The following RGP1 variants were observed in gnomAD, a reference collection of about 807,000 sequenced individuals.
RGP1 encodes the protein RAB6A-GEF complex partner protein 2.
A neutral mutation model predicts 44.5 loss-of-function variants in RGP1; 28 were observed. That is an observed-to-expected ratio of 0.63 (90% CI 0.47 to 0.86). The LOEUF (loss-of-function observed/expected upper bound fraction) is 0.86. RGP1 is among the 40% of genes least tolerant of loss of function. The probability of loss-of-function intolerance (pLI) is 0.00; values close to 1 mark genes in which losing one functional copy is unlikely to be tolerated. For synonymous variants in RGP1, 212 were observed against 196.7 expected (o/e 1.08, Z -0.65); for missense variants, 417 against 490.7 (o/e 0.85, Z 1.42).
the RGP1 span, among the ~76,000 whole-genome samples, chr9:35,784,488 C>T: frequency 2.6e-5 from 4 of 152,250 alleles, no homozygotes; most frequent in Middle Eastern, 6.8e-3. Flanking sequence ...TTGCTCTTGT[C>T]GCCCAGGCTG....
chr9:35,781,745 T>C, the RGP1 span, among the ~76,000 whole-genome samples: 1 of 151,934 alleles, frequency 6.6e-6, no homozygotes, highest in Admixed American at 6.6e-5. Context: ...TAAATATATA[T>C]ATAAATACAT....
In RGP1 at chr9:35,753,956, C is replaced by T; in HGVS notation, c.*1082C>T. ...CTGTAAGGCCCCATCCTCCCTGTGC[C>T]CTCTCTGCTGCTCCTCCATTCCTAA... On this transcript the variant is annotated 3_prime_UTR_variant, in exon 9 of 9. Transcript: ENST00000378078. This position sits in a 1 kb window ranked among gnomAD's most constrained non-coding sequence, Gnocchi z 4.2. 6.3e-7 allele frequency: 1 copy of T among 1,590,506 alleles called. No homozygotes were observed. The highest frequency in any genetic ancestry group is 8.6e-7 in the Non-Finnish European group (1 of 1,165,268).
At chr9:35,769,251 C>T in the RGP1 span, among the ~76,000 whole-genome samples, 3 of 152,222 alleles carry the variant, frequency 2.0e-5, no homozygotes, top group Non-Finnish European at 4.4e-5. Flanking sequence ...TCTACTGTAC[C>T]TGGCCCTGTC....
rs771484856 is a variant in RGP1, at chr9:35,753,120, G to A, written c.*246G>A. The stretch of plus-strand genomic sequence containing the variant: ...TGAGTTTAGCTGGAGTGGGGAGCAG[G>A]AGCCCCAGGAACAGGGGTGTTGGCT... On this transcript the variant is annotated 3_prime_UTR_variant, in exon 9 of 9. Transcript: ENST00000378078. The surrounding 1 kb of genome is among the most constrained non-coding windows in gnomAD (Gnocchi z 4.2). 5.6e-6 allele frequency: 9 copies of A among 1,614,052 alleles called. No individual in the cohort carries two copies. The highest frequency in any genetic ancestry group is 7.6e-6 in the Non-Finnish European group (9 of 1,179,912).
chr9:35,763,169 T>C (rs995974372), downstream of RGP1, among the ~76,000 whole-genome samples: 16 of 152,290 alleles, frequency 1.1e-4, no homozygotes, highest in Admixed American at 7.2e-4. Context: ...AATTCTGTTC[T>C]ATATTATATA....
At chr9:35,759,917 C>CTTTTTTTTTTTTTTT (rs34848500), downstream of RGP1, among the ~76,000 whole-genome samples, 4 of 132,984 alleles carry the variant, frequency 3.0e-5, no homozygotes, top group Admixed American at 7.5e-5. Context: ...TTCATTTTTC[C>CTTTTTTTTTTTTTTT]TTTTTTTTTT....
chr9:35,772,724 G>A, the RGP1 span, among the ~76,000 whole-genome samples: 6 of 151,324 alleles, frequency 4.0e-5, no homozygotes, highest in Non-Finnish European at 8.8e-5. Context: ...CTGGGAGGCG[G>A]AGCTTGCAGT....
At chr9:35,752,331 C>T (rs889524255) in intron 8 of RGP1, among the ~76,000 whole-genome samples, 186 bp downstream of exon 8, 2 of 152,208 alleles carry the variant, frequency 1.3e-5, no homozygotes, top group Non-Finnish European at 2.9e-5. Flanking sequence ...CCCCTAAACT[C>T]CTAACAGCTT....
Position 35,751,397 on chromosome 9 carries a change from T to C in RGP1, c.619T>C (p.Ser207Pro). ...LAGERLMAAT[S>P]CRSLHLYNIS... ...TGGGGAACGCCTAATGGCTGCCACA[T>C]CCTGCCGCAGCCTCCGTGAGAATTC... is the stretch of plus-strand genomic sequence containing the variant. Residue 207 changes from serine (S) to proline (P), a missense_variant, in exon 6 of 9, where the codon TCC becomes CCC. Physicochemically the swap from Ser to Pro is moderately conservative, Grantham distance 74. Transcript: ENST00000378078. 2 of 1,613,946 alleles carry C rather than the reference T, an allele frequency of 1.2e-6. No homozygotes were observed. The highest frequency in any genetic ancestry group is 1.7e-6 in the Non-Finnish European group (2 of 1,179,868).
the RGP1 span, among the ~76,000 whole-genome samples, chr9:35,777,836 G>T: frequency 6.6e-6 from 1 of 152,112 alleles, no homozygotes; most frequent in Non-Finnish European, 1.5e-5. Context: ...TCTATTAAAA[G>T]AAATCCCATC....
the RGP1 span, among the ~76,000 whole-genome samples, chr9:35,774,717 C>CT: frequency 6.6e-6 from 1 of 151,932 alleles, no homozygotes; most frequent in Non-Finnish European, 1.5e-5. Flanking sequence ...GAGCAAGACT[C>CT]TGTCTCAAAA....
chr9:35,783,711 A>C, the RGP1 span, among the ~76,000 whole-genome samples: 3 of 152,158 alleles, frequency 2.0e-5, no homozygotes, highest in African/African-American at 7.2e-5. Flanking sequence ...ACTTGGGTTG[A>C]TTCCATATCT....
rs3750436 is a variant in RGP1 at position 35,753,173 on chromosome 9, C to A, written c.*299C>A. The A allele has an allele frequency of 6.3e-3, 10,129 of 1,614,174 alleles. 769 individuals carry two copies. The East Asian group carries it at 0.18, about 29-fold the overall frequency. On this transcript the variant is annotated 3_prime_UTR_variant, in exon 9 of 9. Coordinates refer to ENST00000378078, the MANE Select transcript of RGP1 (RefSeq NM_001080496.3). This position sits in a 1 kb window ranked among gnomAD's most constrained non-coding sequence, Gnocchi z 4.2. ...GCCCCATTCTGGGTCAGGCCCTCCCCCTTTGCAGGGCAGCCGAGGGTCAGA... is the reference window on the plus strand; with the variant it reads ...GCCCCATTCTGGGTCAGGCCCTCCCACTTTGCAGGGCAGCCGAGGGTCAGA...
At chr9:35,787,882 C>T in the RGP1 span, among the ~76,000 whole-genome samples, 3 of 152,232 alleles carry the variant, frequency 2.0e-5, no homozygotes, top group East Asian at 3.9e-4. Context: ...TGGACCTGTC[C>T]GTCTGTGTGC....
chr9:35,763,024 C>T (rs975836191), downstream of RGP1, among the ~76,000 whole-genome samples: 2 of 152,176 alleles, frequency 1.3e-5, no homozygotes, highest in African/African-American at 4.8e-5. Context: ...TTTGTTTCTT[C>T]CACTCTACAA....
chr9:35,763,897 A>AG, the RGP1 span, among the ~76,000 whole-genome samples: 3 of 147,840 alleles, frequency 2.0e-5, no homozygotes, highest in East Asian at 4.3e-4. Context: ...AAAAAAAAAA[A>AG]AAAGAAAAGA....
chr9:35,779,465 G>A, the RGP1 span, among the ~76,000 whole-genome samples: 1 of 152,242 alleles, frequency 6.6e-6, no homozygotes, highest in African/African-American at 2.4e-5. Flanking sequence ...TTAGAGAAAG[G>A]AGGAAGGGCA....
chr9:35,752,793 G>T lies in RGP1; in HGVS notation c.1095G>T (p.Leu365=), dbSNP rs1291324671. Residue 365 remains leucine (L), a synonymous_variant, in exon 9 of 9, where the codon CTG becomes CTT. Coordinates refer to ENST00000378078, the MANE Select transcript of RGP1 (RefSeq NM_001080496.3). ...CTGTAGACACCTTCAGCTGGGACCT[G>T]CCCATCAAGGTGCTGCCTACTAGCC... ...QVPVDTFSWD[L]PIKVLPTSPT... The T allele has an allele frequency of 6.2e-7, 1 of 1,613,818 alleles. No homozygotes were observed. The highest frequency in any genetic ancestry group is 8.5e-7 in the Non-Finnish European group (1 of 1,179,826).
At chr9:35,779,224 C>T in the RGP1 span, among the ~76,000 whole-genome samples, 8 of 152,100 alleles carry the variant, frequency 5.3e-5, no homozygotes, top group Non-Finnish European at 1.2e-4. Flanking sequence ...CAACCCATAC[C>T]TTACCACCCC....
Sources: gnomAD v4.1 joint callset for allele counts (sites outside exome capture counted in the v4.1 genomes callset) on GRCh38, gnomAD v4.1.1 for gene constraint, Gnocchi (gnomAD v3.1) non-coding constraint, MANE v1.5 for transcripts, NCBI Gene and HGNC (gene_info 2026-07-23, HGNC 2026-07-21) for gene names.